The following UBC variants were observed in gnomAD, a reference collection of about 807,000 sequenced individuals.
The protein encoded by UBC is ubiquitin C.
Under a neutral mutation model 34.7 loss-of-function variants are expected in UBC, and 8 were observed. The ratio of observed to expected loss-of-function variants is 0.23; its 90% CI spans 0.14 to 0.42. The LOEUF (loss-of-function observed/expected upper bound fraction) is 0.42. Ranked by LOEUF, UBC falls within the 10% of genes least tolerant of loss-of-function variation. The probability of loss-of-function intolerance (pLI) is 1.00; values close to 1 mark genes in which losing one functional copy is unlikely to be tolerated. For synonymous variants in UBC, 367 were observed against 299.8 expected (o/e 1.22, Z -2.32); for missense variants, 323 against 750.3 (o/e 0.43, Z 6.65).
intron 1 of UBC, chr12:124,914,103 G>A (rs751094992): frequency 2.2e-5 from 8 of 361,950 alleles, no homozygotes; most frequent in South Asian, 8.5e-5. Flanking sequence ...CCGGCAGGTG[G>A]CCCCACCCTG....
chr12:124,913,914 C>T, intron 1 of UBC, 140 bp from the exon 2 acceptor site: 1 of 1,357,664 alleles, frequency 7.4e-7, no homozygotes, highest in Non-Finnish European at 1.0e-6. Context: ...ACCCCGAGCG[C>T]ATAGTTCAAA....
rs782393421 is a variant in UBC, at chr12:124,913,219, T to C, written c.553A>G (p.Lys185Glu). 1.2e-6 allele frequency: 2 copies of C among 1,611,434 alleles called. No individual in the cohort carries two copies. The highest frequency in any genetic ancestry group is 1.3e-5 in the African/African-American group (1 of 74,584). The change falls in exon 2 of 2, where the codon AAG becomes GAG. Residue 185 changes from lysine to glutamate, a missense_variant. Coordinates refer to ENST00000339647, the MANE Select transcript of UBC (RefSeq NM_021009.7). ...TGCTGATCAGGAGGAATGCCTTCCT[T>C]ATCTTGGATCTTTGCCTTGACATTC... ...IENVKAKIQD[K>E]EGIPPDQQRL... is the part of the protein sequence containing the mutation.
rs1594452381 is a variant in UBC at position 124,913,409 on chromosome 12, A to G, written c.363T>C (p.Phe121=). The G allele has an allele frequency of 1.2e-6, 2 of 1,610,012 alleles. No individual in the cohort carries two copies. Among genetic ancestry groups the G allele is most frequent in the South Asian group, 1.1e-5 (1 of 90,736 alleles). Residue 121 remains phenylalanine (F), a synonymous_variant, in exon 2 of 2, where the codon TTT becomes TTC. Coordinates refer to ENST00000339647, the MANE Select transcript of UBC (RefSeq NM_021009.7). ...GIPPDQQRLI[F]AGKQLEDGRT... ...GCCCATCTTCCAGCTGCTTTCCGGC[A>G]AAGATCAACCTCTGCTGGTCAGGAG...
chr12:124,913,754 C>T lies in UBC; in HGVS notation c.18G>A (p.Lys6=). The change falls in exon 2 of 2, where the codon AAG becomes AAA. Residue 6 remains lysine (K), a synonymous_variant. Coordinates refer to ENST00000339647, the MANE Select transcript of UBC (RefSeq NM_021009.7). ...GGGTGATGGTCTTACCAGTCAGAGT[C>T]TTCACGAAGATCTGCATTGTCTAAC... MQIFV[K]TLTGKTITLE... is the part of the protein sequence containing the mutation. The T allele has an allele frequency of 6.2e-7, 1 of 1,614,208 alleles. No individual in the cohort carries two copies. The highest frequency in any genetic ancestry group is 8.5e-7 in the Non-Finnish European group (1 of 1,180,016).
chr12:124,913,794 C>T lies in UBC; in HGVS notation c.-3-20G>A, dbSNP rs1344955169. On this transcript the variant is annotated intron_variant, in intron 1 of 1. Transcript: ENST00000339647. ...CATTGTCTAACAAAAAAGCCAAAAA[C>T]GGCCAGAATTTAGCGGACAATTTAC... is the stretch of plus-strand genomic sequence containing the variant. The T allele has an allele frequency of 1.2e-6, 2 of 1,612,590 alleles. No homozygotes were observed. Among genetic ancestry groups the T allele is most frequent in the Non-Finnish European group, 1.7e-6 (2 of 1,179,274 alleles).
intron 1 of UBC, chr12:124,914,297 C>G (rs1953578028): frequency 5.8e-6 from 1 of 173,790 alleles, no homozygotes; most frequent in African/African-American, 2.4e-5. Context: ...GCCCATCTCA[C>G]CCGAATAAGA....
chr12:124,913,654 G>A lies in UBC; in HGVS notation c.118C>T (p.Gln40Ter). 1 of 1,613,434 alleles carries A rather than the reference G, an allele frequency of 6.2e-7. No individual in the cohort carries two copies. Among genetic ancestry groups the A allele is most frequent in the Non-Finnish European group, 8.5e-7 (1 of 1,179,836 alleles). ...IQDKEGIPPD[Q>*]QRLIFAGKQL... is the part of the protein sequence containing the mutation. The stretch of plus-strand genomic sequence containing the variant: ...TTTCCAGCAAAGATCAGCCTCTGCT[G>A]GTCAGGAGGGATGCCTTCCTTATCT... Residue 40 changes from glutamine to a stop codon, truncating the protein, a stop_gained, in exon 2 of 2, where the codon CAG becomes TAG. Transcript: ENST00000339647. LOFTEE classifies it high-confidence loss of function.
rs1471383880 is a variant in UBC at position 124,911,707 on chromosome 12, G to A, written c.*7C>T. ...ATGAAATTTGTTGAAACCTTAAAAG[G>A]GGAAACTTAGACACCCCCCCTCAAG... is the stretch of plus-strand genomic sequence containing the variant. On this transcript the variant is annotated 3_prime_UTR_variant, in exon 2 of 2. Transcript: ENST00000339647. 7 of 1,612,260 alleles carry A rather than the reference G, an allele frequency of 4.3e-6. No individual in the cohort carries two copies. The highest frequency in any genetic ancestry group is 1.7e-5 in the Admixed American group (1 of 59,828).
At chr12:124,913,822 G>C (rs552650928) in intron 1 of UBC, 48 bp from the exon 2 acceptor site, 2 of 1,596,674 alleles carry the variant, frequency 1.3e-6, no homozygotes, top group Non-Finnish European at 8.5e-7. Context: ...CAATTTACTA[G>C]TCTAACACTG....
rs775611117 is a variant in UBC at position 124,912,796 on chromosome 12, T to G, written c.976A>C (p.Thr326Pro). Residue 326 changes from threonine to proline, a missense_variant, in exon 2 of 2, where the codon ACC becomes CCC. Thr to Pro is a conservative substitution (Grantham distance 38). Around this residue, in one of 5 missense-constraint regions of UBC, gnomAD observed 66 missense variants for 125.4 expected, o/e 0.53. Transcript: ENST00000339647. The part of the protein sequence containing the change: ...TITLEVEPSD[T>P]IENVKAKIQD... ...ATCTTTGCCTTGACATTCTCAATGG[T>G]GTCACTCGGCTCCACTTCGAGAGTG... The G allele has an allele frequency of 6.2e-7, 1 of 1,603,228 alleles. No homozygotes were observed. Among genetic ancestry groups the G allele is most frequent in the Non-Finnish European group, 8.5e-7 (1 of 1,176,522 alleles).
rs1387683005 is a variant in UBC, at chr12:124,912,604, C to T, written c.1168G>A (p.Gly390Ser). 6.2e-7 allele frequency: 1 copy of T among 1,605,860 alleles called. No individual in the cohort carries two copies. Among genetic ancestry groups the T allele is most frequent in the Non-Finnish European group, 8.5e-7 (1 of 1,177,584 alleles). ...TCCACCTCGAGAGTGATGGTCTTAC[C>T]AGTCAGGGTCTTCACGAAGATCTGC... ...GMQIFVKTLT[G>S]KTITLEVEPS... The change falls in exon 2 of 2, where the codon GGT (glycine) becomes AGT (serine). Residue 390 changes from glycine (G) to serine (S), a missense_variant. Gly to Ser is a moderately conservative substitution (Grantham distance 56). Transcript: ENST00000339647.
At chr12:124,914,001 T>C in intron 1 of UBC, 1 of 645,154 alleles carries the variant, frequency 1.6e-6, no homozygotes, top group Non-Finnish European at 2.5e-6. Flanking sequence ...ATCCCTCCCC[T>C]CACCAGAGGT....
Position 124,911,821 on chromosome 12 carries a change from AC to A in UBC, c.1950del (p.Arg650SerfsTer2). ...TCCAGCTGTTTCCCAGCAAAGATCA[AC>A]CTCTGCTGATCAGGAGGGATGCCTT... Reference protein sequence around the residue: ...DKEGIPPDQQRLIFAGKQLED... With the variant: ...DKEGIPPDQQXLIFAGKQLED... On this transcript the variant is annotated frameshift_variant, in exon 2 of 2. Coordinates refer to ENST00000339647, the MANE Select transcript of UBC (RefSeq NM_021009.7). LOFTEE classifies it high-confidence loss of function. 6.2e-7 allele frequency: 1 copy of A among 1,611,572 alleles called. No individual in the cohort carries two copies. Among genetic ancestry groups the A allele is most frequent in the Non-Finnish European group, 8.5e-7 (1 of 1,179,094 alleles).
intron 1 of UBC, chr12:124,913,996 T>C: frequency 1.5e-6 from 1 of 666,962 alleles, no homozygotes. Flanking sequence ...CACTTATCCC[T>C]CCCCTCACCA....
At chr12:124,913,854 T>C (rs1339502513) in intron 1 of UBC, 80 bp from the exon 2 acceptor site, 3 of 1,567,268 alleles carry the variant, frequency 1.9e-6, no homozygotes, top group African/African-American at 1.4e-5. Flanking sequence ...TTGACCCAAA[T>C]GATTACATTT....
At position 124,913,532 on chromosome 12, in the gene UBC, G is replaced by GA. The variant is rs1186924983; in HGVS notation, c.239dup (p.Val81ArgfsTer12). On this transcript the variant is annotated frameshift_variant, in exon 2 of 2. Transcript: ENST00000339647. LOFTEE classifies it high-confidence loss of function. ...TGGTCTTGCCAGTGAGTGTCTTCAC[G>GA]AAGATTTGCATCCCACCTCTGAGAC... is the stretch of plus-strand genomic sequence containing the variant. 6.2e-7 allele frequency: 1 copy of GA among 1,610,624 alleles called. No individual in the cohort carries two copies. Among genetic ancestry groups the GA allele is most frequent in the African/African-American group, 1.3e-5 (1 of 74,214 alleles).
rs397832571 is a variant in UBC at position 124,911,789 on chromosome 12, T to C, written c.1983A>G (p.Gly661=). The C allele has an allele frequency of 6.8e-6, 11 of 1,613,654 alleles. No homozygotes were observed. Among genetic ancestry groups the C allele is most frequent in the East Asian group, 6.7e-5 (3 of 44,898 alleles). ...LIFAGKQLED[G]RTLSDYNIQK... is the part of the protein sequence containing the mutation. ...GGATGTTGTAGTCAGACAGGGTGCG[T>C]CCATCTTCCAGCTGTTTCCCAGCAA... is the stretch of plus-strand genomic sequence containing the variant. Residue 661 remains glycine (G), a synonymous_variant, in exon 2 of 2, where the codon GGA becomes GGG. Coordinates refer to ENST00000339647, the MANE Select transcript of UBC (RefSeq NM_021009.7).
At chr12:124,913,958 A>C in intron 1 of UBC, 184 bp from the exon 2 acceptor site, 1 of 951,326 alleles carries the variant, frequency 1.1e-6, no homozygotes, top group Non-Finnish European at 1.5e-6. Context: ...AGATAGGTAC[A>C]TAAAACCGAC....
At position 124,913,238 on chromosome 12, in the gene UBC, G is replaced by A. The variant is rs781862918; in HGVS notation, c.534C>T (p.Val178=). The part of the protein sequence containing the change: ...EVEPSDTIEN[V]KAKIQDKEGI... ...CTTCCTTATCTTGGATCTTTGCCTT[G>A]ACATTCTCGATGGTGTCACTGGGCT... Residue 178 remains valine (V), a synonymous_variant, in exon 2 of 2, where the codon GTC becomes GTT. Transcript: ENST00000339647. 6.2e-7 allele frequency: 1 copy of A among 1,611,356 alleles called. No individual in the cohort carries two copies. The highest frequency in any genetic ancestry group is 8.5e-7 in the Non-Finnish European group (1 of 1,178,666).
Sources: gnomAD v4.1 joint callset for allele counts on GRCh38, gnomAD v4.1.1 for gene constraint, gnomAD v4.1.1 regional missense constraint, MANE v1.5 for transcripts, NCBI Gene and HGNC (gene_info 2026-07-23, HGNC 2026-07-21) for gene names.